The following CNTNAP2 variants were observed in gnomAD, a reference collection of about 807,000 sequenced individuals.
The protein encoded by CNTNAP2 is contactin associated protein 2.
A neutral mutation model predicts 155.2 loss-of-function variants in CNTNAP2; 98 were observed. The observed-to-expected ratio is 0.63, with a 90% confidence interval of 0.54 to 0.75. The LOEUF is 0.75. Among genes scored for constraint, CNTNAP2 ranks in the 30% least tolerant of loss-of-function variants. The pLI is 0.00. For synonymous variants in CNTNAP2, 651 were observed against 631.2 expected, an observed-to-expected ratio of 1.03 and a Z score of -0.47; for missense variants, 1,727 against 1,688.1, an observed-to-expected ratio of 1.02 and a Z score of -0.40.
intron 21 of CNTNAP2, among the ~76,000 whole-genome samples, chr7:148,369,823 A>G (rs1456156818): frequency 1.3e-5 from 2 of 152,082 alleles, no homozygotes; most frequent in Admixed American, 6.5e-5. Context: ...ATGTCTTCCA[A>G]CTTTCGAAAA....
At chr7:146,776,560 C>T (rs1249273154) in intron 2 of CNTNAP2, among the ~76,000 whole-genome samples, 1 of 152,064 alleles carries the variant, frequency 6.6e-6, no homozygotes, top group Non-Finnish European at 1.5e-5. Context: ...GTTATAGGCA[C>T]AGAAATGTAA....
intron 10 of CNTNAP2, among the ~76,000 whole-genome samples, chr7:147,433,660 T>C (rs555946902): frequency 6.6e-6 from 1 of 152,334 alleles, no homozygotes; most frequent in South Asian, 2.1e-4. Flanking sequence ...TCAATCAAAA[T>C]TTGTTGTGAA....
chr7:147,481,652 C>T (rs1214409404), intron 10 of CNTNAP2, among the ~76,000 whole-genome samples: 1 of 152,170 alleles, frequency 6.6e-6, no homozygotes, highest in Non-Finnish European at 1.5e-5. Context: ...AAAGCTGGAA[C>T]TAAGTATGAG....
chr7:147,562,901 C>G (rs1314995812), intron 12 of CNTNAP2, among the ~76,000 whole-genome samples: 3 of 152,076 alleles, frequency 2.0e-5, no homozygotes, highest in Non-Finnish European at 4.4e-5. Context: ...TCTTACGCTT[C>G]AAAAATCCAG....
intron 8 of CNTNAP2, among the ~76,000 whole-genome samples, chr7:147,212,456 G>A (rs1803170228): frequency 6.6e-6 from 1 of 152,056 alleles, no homozygotes; most frequent in Admixed American, 6.6e-5. Context: ...TGCAGCTGAA[G>A]GCCTCTATTC....
intron 15 of CNTNAP2, among the ~76,000 whole-genome samples, chr7:148,080,577 C>T (rs1198413753): frequency 6.8e-6 from 1 of 148,016 alleles, no homozygotes; most frequent in East Asian, 2.0e-4. Flanking sequence ...TGCACTCCAG[C>T]CTGGGCAACA....
intron 19 of CNTNAP2, among the ~76,000 whole-genome samples, chr7:148,225,854 G>T (rs1795838620): frequency 6.6e-6 from 1 of 152,222 alleles, no homozygotes; most frequent in Non-Finnish European, 1.5e-5. Flanking sequence ...AAGGCTTTTG[G>T]CAAGAATAAC....
intron 12 of CNTNAP2, among the ~76,000 whole-genome samples, chr7:147,590,580 C>T (rs1800718158): frequency 1.3e-5 from 2 of 152,144 alleles, no homozygotes; most frequent in East Asian, 3.9e-4. Context: ...ATTACCCAGT[C>T]TGTTATTTCT....
At chr7:148,217,227 T>C (rs1585194412) in intron 18 of CNTNAP2, 61 bp from the exon 19 acceptor site, 1 of 1,540,286 alleles carries the variant, frequency 6.5e-7, no homozygotes, top group South Asian at 1.1e-5. Flanking sequence ...GGAGAGGTCA[T>C]TGTAGGGTAT....
intron 8 of CNTNAP2, among the ~76,000 whole-genome samples, chr7:147,236,189 AG>A (rs1803799762): frequency 6.6e-6 from 1 of 152,308 alleles, no homozygotes; most frequent in South Asian, 2.1e-4. Flanking sequence ...CCCCTACTGC[AG>A]GGACGCTGTC....
intron 1 of CNTNAP2, among the ~76,000 whole-genome samples, chr7:146,132,723 C>A (rs1306450231): frequency 6.6e-6 from 1 of 151,738 alleles, no homozygotes; most frequent in African/African-American, 2.4e-5. Flanking sequence ...TCATCCATGT[C>A]CCTACAAAGG....
intron 14 of CNTNAP2, among the ~76,000 whole-genome samples, chr7:147,905,977 C>T (rs76812148): frequency 1.3e-5 from 2 of 151,350 alleles, no homozygotes; most frequent in East Asian, 1.9e-4. Flanking sequence ...GAATCCATAA[C>T]GTCTTGGAGG....
At chr7:146,564,462 A>G (rs889910584) in intron 1 of CNTNAP2, among the ~76,000 whole-genome samples, 1 of 150,794 alleles carries the variant, frequency 6.6e-6, no homozygotes, top group Admixed American at 6.6e-5. Context: ...TTAATATACA[A>G]ATTTTATATA....
chr7:146,895,879 G>T (rs1424516723), intron 3 of CNTNAP2, among the ~76,000 whole-genome samples: 2 of 152,046 alleles, frequency 1.3e-5, no homozygotes, highest in Non-Finnish European at 2.9e-5. Flanking sequence ...ATGAGTGGTT[G>T]CAACTATTCA....
intron 12 of CNTNAP2, among the ~76,000 whole-genome samples, chr7:147,628,515 T>A (rs1584866186): frequency 6.6e-6 from 1 of 152,038 alleles, no homozygotes. Flanking sequence ...AAATAGAACC[T>A]CCTTAAAGCA....
At chr7:146,993,499 A>G (rs551753892) in intron 3 of CNTNAP2, among the ~76,000 whole-genome samples, 3 of 151,866 alleles carry the variant, frequency 2.0e-5, no homozygotes, top group Admixed American at 6.6e-5. Context: ...TTTTCTATCT[A>G]TTGGGAGACT....
rs545555921 is a variant in CNTNAP2, at chr7:146,932,609, A to G, written c.402+92705A>G. On this transcript the variant is annotated intron_variant, in intron 3 of 23. Coordinates refer to ENST00000361727, the MANE Select transcript of CNTNAP2 (RefSeq NM_014141.6). ...CAGGGCAATTAGGCAGGAGAAGGAA[A>G]TAAAGGGTATTCAATTAGGAAAAGA... is the stretch of plus-strand genomic sequence containing the variant. Among the ~76,000 whole-genome samples, 5 of 152,288 alleles carry G rather than the reference A, an allele frequency of 3.3e-5. No homozygotes were observed. The South Asian group carries it at 6.2e-4, about 19-fold the overall frequency.
chr7:148,269,797 C>G (rs993660912), intron 21 of CNTNAP2, among the ~76,000 whole-genome samples: 19 of 152,240 alleles, frequency 1.2e-4, no homozygotes, highest in African/African-American at 4.1e-4. Context: ...GGATCTGAGA[C>G]TTTGGTGAGT....
intron 1 of CNTNAP2, among the ~76,000 whole-genome samples, chr7:146,326,249 A>C (rs940271867): frequency 6.6e-6 from 1 of 151,162 alleles, no homozygotes; most frequent in Non-Finnish European, 1.5e-5. Context: ...TAGTGATGCC[A>C]GTGGAAGGAC....
Sources: allele counts gnomAD v4.1 joint callset (sites outside exome capture counted in the v4.1 genomes callset), GRCh38; gene constraint gnomAD v4.1.1; transcripts MANE v1.5; gene names NCBI Gene and HGNC (gene_info 2026-07-23, HGNC 2026-07-21).